Variants in BCAT1 observed in about 807,000 individuals in gnomAD.
The protein encoded by BCAT1 is branched chain amino acid transaminase 1.
A neutral mutation model predicts 52.4 loss-of-function variants in BCAT1; 48 were observed. That is an observed-to-expected ratio of 0.92 (90% CI 0.73 to 1.16). The LOEUF (loss-of-function observed/expected upper bound fraction) is 1.16, where lower values mean the gene tolerates loss of function less well. BCAT1 is among the 50% of genes most tolerant of loss of function. The pLI, the probability that BCAT1 is intolerant of heterozygous loss-of-function variation, is 0.00. For missense variants in BCAT1, 451 were observed against 457.1 expected, an observed-to-expected ratio of 0.99 and a Z score of 0.12; for synonymous variants, 167 against 161.3, an observed-to-expected ratio of 1.04 and a Z score of -0.27.
intron 1 of BCAT1, among the ~76,000 whole-genome samples, chr12:24,933,835 G>A (rs972191249): frequency 2.6e-5 from 4 of 152,080 alleles, no homozygotes; most frequent in African/African-American, 9.7e-5. Context: ...AGATTTTATA[G>A]TCAGGCTTGA....
chr12:24,823,467 A>C (rs1231559669), intron 10 of BCAT1, among the ~76,000 whole-genome samples: 1 of 152,172 alleles, frequency 6.6e-6, no homozygotes, highest in African/African-American at 2.4e-5. Flanking sequence ...TACACATTAA[A>C]GAGTTAAACA....
intron 3 of BCAT1, among the ~76,000 whole-genome samples, chr12:24,888,951 C>T (rs1942761757): frequency 6.6e-6 from 1 of 152,196 alleles, no homozygotes; most frequent in Non-Finnish European, 1.5e-5. Flanking sequence ...GACAAGATAG[C>T]TCCAATCAAC....
chr12:24,848,473 C>G (rs1003304207), intron 6 of BCAT1, among the ~76,000 whole-genome samples: 2 of 152,136 alleles, frequency 1.3e-5, no homozygotes, highest in Non-Finnish European at 2.9e-5. Context: ...TACAACCTGC[C>G]CAAATACCGG....
intron 10 of BCAT1, among the ~76,000 whole-genome samples, chr12:24,829,015 A>G (rs1203694667): frequency 8.1e-6 from 1 of 123,228 alleles, no homozygotes; most frequent in African/African-American, 3.3e-5. Context: ...TCAAAAATAA[A>G]TAAGTAAATA....
chr12:24,940,657 G>A (rs1162375553), intron 1 of BCAT1, among the ~76,000 whole-genome samples: 1 of 152,136 alleles, frequency 6.6e-6, no homozygotes, highest in African/African-American at 2.4e-5. Context: ...TATCAGCAGA[G>A]CCAACCATGA....
intron 1 of BCAT1, among the ~76,000 whole-genome samples, chr12:24,927,968 C>T (rs541415867): frequency 1.3e-5 from 2 of 152,310 alleles, no homozygotes; most frequent in Middle Eastern, 3.4e-3. Context: ...GCTGCAAGTA[C>T]TTAAAAGACC....
Position 24,901,845 on chromosome 12 carries a change from C to T in BCAT1, c.47G>A (p.Gly16Glu), listed in dbSNP as rs1555113805. ...AGTCCCCACCACCTCTTTTGATCCT[C>T]CTTCTCCGGTACACTCTGCGGAGCA... ...NGCSAECTGE[G>E]GSKEVVGTFK... The change falls in exon 2 of 11, where the codon GGA becomes GAA. Residue 16 changes from glycine (G) to glutamate (E), a missense_variant. Transcript: ENST00000261192. 6 of 1,614,026 alleles carry T rather than the reference C, an allele frequency of 3.7e-6. No homozygotes were observed. The South Asian group carries it at 6.6e-5, about 18-fold the overall frequency.
intron 1 of BCAT1, among the ~76,000 whole-genome samples, chr12:24,910,413 A>G (rs1375818863): frequency 6.6e-6 from 1 of 151,438 alleles, no homozygotes; most frequent in Non-Finnish European, 1.5e-5. Flanking sequence ...AAATAAATAA[A>G]TAAATAAATA....
chr12:24,940,959 T>A (rs993765157), intron 1 of BCAT1, among the ~76,000 whole-genome samples: 1 of 152,256 alleles, frequency 6.6e-6, no homozygotes, highest in Non-Finnish European at 1.5e-5. Flanking sequence ...AGGGTATGCA[T>A]TCATTAGTTT....
chr12:24,934,111 G>A (rs1385007773), intron 1 of BCAT1, among the ~76,000 whole-genome samples: 2 of 152,098 alleles, frequency 1.3e-5, no homozygotes, highest in Non-Finnish European at 2.9e-5. Context: ...CTATGTGTGG[G>A]GCTGCTTTTC....
intron 1 of BCAT1, among the ~76,000 whole-genome samples, chr12:24,914,977 T>C (rs1943386145): frequency 6.6e-6 from 1 of 152,226 alleles, no homozygotes; most frequent in South Asian, 2.1e-4. Context: ...TTCTGAAATA[T>C]AATTTTCTCT....
intron 1 of BCAT1, among the ~76,000 whole-genome samples, chr12:24,914,355 T>C (rs1943374578): frequency 6.6e-6 from 1 of 152,172 alleles, no homozygotes; most frequent in African/African-American, 2.4e-5. Flanking sequence ...AGTGCTGAGA[T>C]TACAGGTGTG....
At chr12:24,895,538 AAGAAAAGAAAAGAAG>A (rs1942941148) in intron 2 of BCAT1, among the ~76,000 whole-genome samples, 1 of 151,886 alleles carries the variant, frequency 6.6e-6, no homozygotes, top group African/African-American at 2.4e-5. Flanking sequence ...AAAAAAAAAA[AAGAAAAGAAAAGAAG>A]AGAAAAGAGA....
chr12:24,916,048 ACT>A (rs1943402114), intron 1 of BCAT1, among the ~76,000 whole-genome samples: 2 of 152,178 alleles, frequency 1.3e-5, no homozygotes, highest in South Asian at 4.1e-4. Context: ...AATCCCAGCT[ACT>A]CGGGAGGCTG....
chr12:24,882,115 T>C (rs1349852380), intron 3 of BCAT1, among the ~76,000 whole-genome samples: 1 of 152,184 alleles, frequency 6.6e-6, no homozygotes, highest in South Asian at 2.1e-4. Context: ...AGTAAAGATA[T>C]GCAAGATATG....
intron 10 of BCAT1, among the ~76,000 whole-genome samples, chr12:24,824,575 C>T (rs907964173): frequency 6.6e-6 from 1 of 152,182 alleles, no homozygotes; most frequent in Non-Finnish European, 1.5e-5. Flanking sequence ...TTTAGGATTA[C>T]AGGAATGAGC....
intron 1 of BCAT1, among the ~76,000 whole-genome samples, chr12:24,928,689 C>T (rs1402030914): frequency 6.8e-6 from 1 of 147,796 alleles, no homozygotes; most frequent in African/African-American, 2.5e-5. Flanking sequence ...ACTGTTACAC[C>T]TTCAGTGTGA....
chr12:24,893,344 T>C (rs1051501562), intron 3 of BCAT1, among the ~76,000 whole-genome samples: 1 of 152,210 alleles, frequency 6.6e-6, no homozygotes, highest in Non-Finnish European at 1.5e-5. Flanking sequence ...GTAAGATAGA[T>C]ATTATAACTA....
rs1412294517 is a variant in BCAT1, at chr12:24,813,315, T to A, written c.*4693A>T. 1 of 152,038 alleles carries A rather than the reference T, an allele frequency of 6.6e-6. No individual in the cohort carries two copies. Among genetic ancestry groups the A allele is most frequent in the Non-Finnish European group, 1.5e-5 (1 of 67,898 alleles). The allele number at this position is 152,038 out of a possible 1,614,324, so 9.4% of individuals were successfully genotyped here. On this transcript the variant is annotated 3_prime_UTR_variant, in exon 11 of 11. Coordinates refer to ENST00000261192, the MANE Select transcript of BCAT1 (RefSeq NM_005504.7). ...CTTTAAAAGGGGTTTGTGGTAATGA[T>A]AAAAAATTTATCTCTTTCCACACAT...
Sources: gnomAD v4.1 joint callset for allele counts (sites outside exome capture counted in the v4.1 genomes callset) on GRCh38, gnomAD v4.1.1 for gene constraint, MANE v1.5 for transcripts, NCBI Gene and HGNC (gene_info 2026-07-23, HGNC 2026-07-21) for gene names.